Variants in CCDC138 observed in about 807,000 individuals in gnomAD.
CCDC138 encodes the protein coiled-coil domain-containing protein 138.
In CCDC138, 66 loss-of-function variants were observed where a neutral mutation model predicts 82.3. That is an observed-to-expected ratio of 0.80 (90% CI 0.66 to 0.98). The LOEUF is 0.98. CCDC138 is among the 50% of genes least tolerant of loss of function. The pLI is 0.00. For synonymous variants in CCDC138, 297 were observed against 265.4 expected, an observed-to-expected ratio of 1.12 and a Z score of -1.16; for missense variants, 816 against 758.9, an observed-to-expected ratio of 1.08 and a Z score of -0.88.
At chr2:108,838,842 A>T (rs1689000022) in intron 10 of CCDC138, among the ~76,000 whole-genome samples, 1 of 152,088 alleles carries the variant, frequency 6.6e-6, no homozygotes, top group South Asian at 2.1e-4. Flanking sequence ...TCACCCCAGA[A>T]TATGCCATGG....
chr2:108,822,116 AGAC>A (rs1685802324), intron 10 of CCDC138, among the ~76,000 whole-genome samples: 1 of 152,284 alleles, frequency 6.6e-6, no homozygotes, highest in East Asian at 1.9e-4. Context: ...GGATGGAAAA[AGAC>A]AATCCTTGTC....
intron 13 of CCDC138, among the ~76,000 whole-genome samples, chr2:108,859,812 A>AT (rs1393138034): frequency 5.2e-4 from 75 of 145,612 alleles, no homozygotes; most frequent in Admixed American, 6.8e-4. Context: ...TGAATTTTCA[A>AT]TTTTTTTTTT....
At chr2:108,877,553 G>A (rs1179571573), downstream of CCDC138, among the ~76,000 whole-genome samples, 1 of 151,866 alleles carries the variant, frequency 6.6e-6, no homozygotes, top group Non-Finnish European at 1.5e-5. Flanking sequence ...AATAGGATTA[G>A]CATGACAAGA....
chr2:108,843,407 C>T (rs1046314869), intron 11 of CCDC138, among the ~76,000 whole-genome samples: 8 of 152,240 alleles, frequency 5.3e-5, no homozygotes, highest in South Asian at 2.1e-4. Context: ...ATCCACCTGC[C>T]GTGGCCTCCC....
At position 108,856,673 on chromosome 2, in the gene CCDC138, TATTTA is replaced by T. The variant is rs1038056864; in HGVS notation, c.1517-116_1517-112del. Reference sequence around the variant, plus strand: ...AATCTAAATTTAGACTGTGATCTCTTATTTAATTTTTGTTTGTCTTTTGAGTTTGT... The same window carrying T: ...AATCTAAATTTAGACTGTGATCTCTTATTTTTGTTTGTCTTTTGAGTTTGT... On this transcript the variant is annotated intron_variant, in intron 12 of 14. Coordinates refer to ENST00000295124, the MANE Select transcript of CCDC138 (RefSeq NM_144978.3). 3.4e-5 allele frequency: 29 copies of T among 863,686 alleles called. No individual in the cohort carries two copies. In the Admixed American group the frequency reaches 6.4e-4, roughly 19 times the overall value. The allele number at this position is 863,686 out of a possible 1,614,324, so 53.5% of individuals were successfully genotyped here. A position where few individuals can be genotyped will look rare whatever the true frequency, so the allele number is the denominator to read the frequency against.
At chr2:108,835,216 T>C (rs1190798549) in intron 10 of CCDC138, among the ~76,000 whole-genome samples, 1 of 152,212 alleles carries the variant, frequency 6.6e-6, no homozygotes, top group African/African-American at 2.4e-5. Flanking sequence ...GTTTCATATA[T>C]AGGCACTGTT....
chr2:108,819,452 A>G (rs1249048102), intron 10 of CCDC138, among the ~76,000 whole-genome samples: 1 of 152,176 alleles, frequency 6.6e-6, no homozygotes, highest in Non-Finnish European at 1.5e-5. Flanking sequence ...ATGGTAGCAT[A>G]GTTTGGAAGC....
intron 6 of CCDC138, among the ~76,000 whole-genome samples, chr2:108,799,156 C>G (rs1434835914): frequency 6.6e-6 from 1 of 152,056 alleles, no homozygotes; most frequent in Non-Finnish European, 1.5e-5. Flanking sequence ...TCAACCTCAC[C>G]ATCTTTGAAG....
In CCDC138 at chr2:108,815,985, G is replaced by A. The variant is rs1434856561; in HGVS notation, c.1086G>A (p.Met362Ile). 6.2e-7 allele frequency: 1 copy of A among 1,613,146 alleles called. No individual in the cohort carries two copies. Among genetic ancestry groups the A allele is most frequent in the African/African-American group, 1.3e-5 (1 of 74,864 alleles). Residue 362 changes from methionine (M) to isoleucine (I), a missense_variant, in exon 10 of 15, where the codon ATG (methionine) becomes ATA (isoleucine). Coordinates refer to ENST00000295124, the MANE Select transcript of CCDC138 (RefSeq NM_144978.3). ...GQVYELLTVF[M>I]DWISDHHLSK... ...TTTATGAACTTTTAACTGTCTTCAT[G>A]GACTGGATTTCGGATCATCATCTTA... is the stretch of plus-strand genomic sequence containing the variant.
chr2:108,814,837 T>C (rs978526926), intron 9 of CCDC138, among the ~76,000 whole-genome samples: 2 of 152,048 alleles, frequency 1.3e-5, no homozygotes, highest in Admixed American at 6.6e-5. Context: ...CGTTTCACCA[T>C]GTTGGCTAGG....
intron 13 of CCDC138, among the ~76,000 whole-genome samples, chr2:108,863,952 AATC>A (rs1694013862): frequency 6.6e-6 from 1 of 152,184 alleles, no homozygotes; most frequent in South Asian, 2.1e-4. Context: ...AAAGTTACAT[AATC>A]ACTTTAATGA....
intron 7 of CCDC138, among the ~76,000 whole-genome samples, chr2:108,808,831 C>T (rs1683284808): frequency 6.6e-6 from 1 of 152,054 alleles, no homozygotes; most frequent in Middle Eastern, 3.2e-3. Context: ...TTTCCAATCT[C>T]ATTTGTCTGT....
In CCDC138 at chr2:108,845,863, G is replaced by A. The variant is rs912570501; in HGVS notation, c.1324-875G>A. On this transcript the variant is annotated intron_variant, in intron 11 of 14. Coordinates refer to ENST00000295124, the MANE Select transcript of CCDC138 (RefSeq NM_144978.3). ...TGGGATTACAGGCGTGAGCCACCGC[G>A]CCCAGCCTCATTTTATTCTTAATAG... Among the ~76,000 whole-genome samples, 3 of 152,050 alleles carry A rather than the reference G, an allele frequency of 2.0e-5. No homozygotes were observed. The East Asian group carries it at 5.8e-4, about 29-fold the overall frequency.
At chr2:108,800,513 C>T (rs1231199601) in intron 6 of CCDC138, among the ~76,000 whole-genome samples, 3 of 151,568 alleles carry the variant, frequency 2.0e-5, no homozygotes, top group African/African-American at 7.3e-5. Context: ...AATCCACCTG[C>T]CTCGCCCTCC....
At chr2:108,852,949 A>G (rs1691765124) in intron 12 of CCDC138, among the ~76,000 whole-genome samples, 1 of 152,232 alleles carries the variant, frequency 6.6e-6, no homozygotes, top group Non-Finnish European at 1.5e-5. Flanking sequence ...ATAATGTGTC[A>G]CTGAGAGGAT....
At chr2:108,853,840 AATATAT>A (rs202187601) in intron 12 of CCDC138, among the ~76,000 whole-genome samples, 7 of 133,694 alleles carry the variant, frequency 5.2e-5, no homozygotes, top group Non-Finnish European at 4.6e-5. Flanking sequence ...TTCTATATGC[AATATAT>A]ATATACTATA....
intron 5 of CCDC138, among the ~76,000 whole-genome samples, chr2:108,797,347 A>G (rs749274369): frequency 3.3e-5 from 5 of 152,210 alleles, no homozygotes; most frequent in Non-Finnish European, 7.4e-5. Context: ...AGTTGGAGGA[A>G]AGAGACGGCA....
intron 7 of CCDC138, among the ~76,000 whole-genome samples, chr2:108,805,616 A>G (rs1425115918): frequency 1.3e-5 from 2 of 151,764 alleles, no homozygotes; most frequent in Non-Finnish European, 2.9e-5. Context: ...AGTCCCAGCT[A>G]CTCGGGAGGC....
At chr2:108,871,337 A>C (rs886446908) in intron 13 of CCDC138, among the ~76,000 whole-genome samples, 2 of 143,218 alleles carry the variant, frequency 1.4e-5, no homozygotes, top group Non-Finnish European at 3.0e-5. Flanking sequence ...GTTCAAGCCC[A>C]GCCTGGCCAA....
Sources: gnomAD v4.1 joint callset for allele counts (sites outside exome capture counted in the v4.1 genomes callset) on GRCh38, gnomAD v4.1.1 for gene constraint, MANE v1.5 for transcripts, NCBI Gene and HGNC (gene_info 2026-07-23, HGNC 2026-07-21) for gene names.